PHTF2: variants seen among roughly 807,000 people sequenced by gnomAD.
PHTF2 encodes protein PHTF2.
Under a neutral mutation model 101.2 loss-of-function variants are expected in PHTF2, and 60 were observed. The observed-to-expected ratio is 0.59, with a 90% confidence interval of 0.48 to 0.73. The LOEUF is 0.73. PHTF2 is among the 30% of genes least tolerant of loss of function. The probability of loss-of-function intolerance (pLI) is 0.00; values close to 1 mark genes in which losing one functional copy is unlikely to be tolerated. For missense variants in PHTF2, 747 were observed against 908.7 expected (o/e 0.82, Z 2.29); for synonymous variants, 311 against 307.3 (o/e 1.01, Z -0.13).
At chr7:77,855,020 C>T (rs1419819505) in intron 3 of PHTF2, among the ~76,000 whole-genome samples, 4 of 152,226 alleles carry the variant, frequency 2.6e-5, no homozygotes, top group Non-Finnish European at 5.9e-5. Flanking sequence ...CCTTTCTCTT[C>T]CTTAAGCAGA....
intron 11 of PHTF2, chr7:77,923,246 C>T (rs1444103882): frequency 2.3e-6 from 2 of 869,752 alleles, no homozygotes; most frequent in Non-Finnish European, 2.8e-6. Context: ...TCTCTAAACC[C>T]TTTTCAACTA....
At position 77,908,782 on chromosome 7, in the gene PHTF2, C is replaced by T; in HGVS notation, c.446-11C>T. ...TCTATAATTAAGCATATTTTCTTTC[C>T]CTTTTTATAGTTGCTGCAATAGTAT... is the stretch of plus-strand genomic sequence containing the variant. On this transcript the variant is annotated splice_polypyrimidine_tract_variant and intron_variant, in intron 7 of 19. Coordinates refer to ENST00000416283, the Ensembl canonical transcript of PHTF2. 1 of 1,519,012 alleles carries T rather than the reference C, an allele frequency of 6.6e-7. No individual in the cohort carries two copies. Among genetic ancestry groups the T allele is most frequent in the South Asian group, 1.2e-5 (1 of 80,044 alleles). 94.1% of individuals were successfully genotyped at this position (1,519,012 alleles called of 1,614,324 possible).
chr7:77,948,444 T>G (rs1265058135), intron 16 of PHTF2, among the ~76,000 whole-genome samples: 1 of 150,220 alleles, frequency 6.7e-6, no homozygotes, highest in Non-Finnish European at 1.5e-5. Context: ...TATGAAAAAA[T>G]TTTTAATATG....
chr7:77,841,330 T>G (rs1795869704), intron 2 of PHTF2, among the ~76,000 whole-genome samples: 1 of 152,110 alleles, frequency 6.6e-6, no homozygotes, highest in African/African-American at 2.4e-5. Context: ...TCCGCCCGCC[T>G]CAGCCTCCCA....
chr7:77,864,791 T>C (rs1314441523), intron 3 of PHTF2, among the ~76,000 whole-genome samples: 2 of 152,210 alleles, frequency 1.3e-5, no homozygotes, highest in South Asian at 2.1e-4. Context: ...TTTTTTTTTT[T>C]CTTGATTCTT....
intron 1 of PHTF2, among the ~76,000 whole-genome samples, chr7:77,819,966 T>C (rs1794147208): frequency 6.6e-6 from 1 of 152,136 alleles, no homozygotes; most frequent in South Asian, 2.1e-4. Context: ...CTCGACTCAC[T>C]GCAACTTCCG....
At chr7:77,835,047 C>T (rs904911389) in intron 1 of PHTF2, among the ~76,000 whole-genome samples, 2 of 151,868 alleles carry the variant, frequency 1.3e-5, no homozygotes, top group East Asian at 3.9e-4. Flanking sequence ...CCGAGGCGGG[C>T]GGATCACCTG....
At chr7:77,923,566 C>A in intron 11 of PHTF2, 1 of 985,378 alleles carries the variant, frequency 1.0e-6, no homozygotes, top group Non-Finnish European at 1.2e-6. Flanking sequence ...TCTGGTTAAT[C>A]TTTCTGGTGA....
chr7:77,827,930 C>A (rs1794809151), intron 1 of PHTF2, among the ~76,000 whole-genome samples: 1 of 152,144 alleles, frequency 6.6e-6, no homozygotes, highest in Non-Finnish European at 1.5e-5. Context: ...AGGTGCGAGC[C>A]ACGGAGCCCA....
intron 1 of PHTF2, among the ~76,000 whole-genome samples, chr7:77,800,244 T>A (rs1181793239): frequency 6.6e-6 from 1 of 152,210 alleles, no homozygotes; most frequent in Non-Finnish European, 1.5e-5. Context: ...AGGAAATGGA[T>A]ATGCGTTATC....
At chr7:77,892,726 A>G (rs1800544251) in intron 3 of PHTF2, among the ~76,000 whole-genome samples, 3 of 152,226 alleles carry the variant, frequency 2.0e-5, no homozygotes, top group Admixed American at 1.3e-4. Context: ...GGTGGGAACA[A>G]TAAAGAATGA....
chr7:77,912,522 G>T (rs1219146824), intron 9 of PHTF2, among the ~76,000 whole-genome samples: 1 of 152,006 alleles, frequency 6.6e-6, no homozygotes, highest in Non-Finnish European at 1.5e-5. Flanking sequence ...AAATTGAAAA[G>T]CTGGATACTT....
chr7:77,839,763 GTT>G (rs2150576040), intron 1 of PHTF2, among the ~76,000 whole-genome samples: 1 of 152,132 alleles, frequency 6.6e-6, no homozygotes, highest in East Asian at 1.9e-4. Flanking sequence ...TCAGTTTTGT[GTT>G]TACTGAGTGT....
chr7:77,901,795 C>T, exon 7 of PHTF2: 1 of 1,553,742 alleles, frequency 6.4e-7, no homozygotes, highest in Non-Finnish European at 8.7e-7. Flanking sequence ...CCTGAAAGTC[C>T]TTGGACTTCT....
intron 9 of PHTF2, among the ~76,000 whole-genome samples, chr7:77,918,529 G>A (rs556910873): frequency 5.3e-5 from 8 of 152,036 alleles, no homozygotes; most frequent in Admixed American, 1.3e-4. Flanking sequence ...TTATCTTTGA[G>A]TTTCTGACAT....
exon 10 of PHTF2, chr7:77,920,354 G>A (rs775475306): frequency 4.3e-6 from 7 of 1,610,356 alleles, no homozygotes; most frequent in Non-Finnish European, 5.9e-6. Flanking sequence ...ATGGGAAGAA[G>A]ACTGTTAAAA....
chr7:77,881,170 C>G (rs1471442267), intron 3 of PHTF2, among the ~76,000 whole-genome samples: 1 of 152,126 alleles, frequency 6.6e-6, no homozygotes, highest in Non-Finnish European at 1.5e-5. Flanking sequence ...CTGCCATAAC[C>G]ACTTCAAAAT....
chr7:77,932,360 A>G (rs1250604624), intron 12 of PHTF2, among the ~76,000 whole-genome samples: 2 of 152,114 alleles, frequency 1.3e-5, no homozygotes, highest in African/African-American at 4.8e-5. Flanking sequence ...AGAGGAAAAC[A>G]TCCTCTGCTG....
intron 1 of PHTF2, among the ~76,000 whole-genome samples, chr7:77,808,708 T>C (rs1793181390): frequency 6.6e-6 from 1 of 152,210 alleles, no homozygotes; most frequent in South Asian, 2.1e-4. Flanking sequence ...GCCACCTTGG[T>C]ATCTCAATAC....
Sources: gnomAD v4.1 joint callset for allele counts (sites outside exome capture counted in the v4.1 genomes callset) on GRCh38, gnomAD v4.1.1 for gene constraint, MANE v1.5 for transcripts, NCBI Gene and HGNC (gene_info 2026-07-23, HGNC 2026-07-21) for gene names.